Variants in ALDH1A1 observed in about 807,000 individuals in gnomAD.
The protein encoded by ALDH1A1 is aldehyde dehydrogenase 1A1.
A neutral mutation model predicts 62.1 loss-of-function variants in ALDH1A1; 19 were observed. The observed-to-expected ratio is 0.31, with a 90% CI of 0.21 to 0.45. ALDH1A1 has a LOEUF of 0.45. Ranked by LOEUF, ALDH1A1 falls within the 20% of genes least tolerant of loss-of-function variation. The pLI is 1.00. For missense variants in ALDH1A1, 521 were observed against 607.1 expected, an observed-to-expected ratio of 0.86 and a Z score of 1.49; for synonymous variants, 231 against 215.9, an observed-to-expected ratio of 1.07 and a Z score of -0.61.
At chr9:72,930,302 A>G (rs1013026988) in intron 3 of ALDH1A1, among the ~76,000 whole-genome samples, 5 of 152,006 alleles carry the variant, frequency 3.3e-5, no homozygotes, top group African/African-American at 1.2e-4. Context: ...AAACCACATT[A>G]ATAATTGGAT....
intron 1 of ALDH1A1, among the ~76,000 whole-genome samples, chr9:72,948,184 T>C (rs1242186853): frequency 6.6e-6 from 1 of 151,956 alleles, no homozygotes; most frequent in Non-Finnish European, 1.5e-5. Context: ...CAGGTTTAGC[T>C]TGTTCAGTCA....
chr9:72,923,467 C>T (rs966774400), intron 7 of ALDH1A1, among the ~76,000 whole-genome samples: 1 of 152,130 alleles, frequency 6.6e-6, no homozygotes, highest in Non-Finnish European at 1.5e-5. Flanking sequence ...AGTCTGCTCT[C>T]CCTCCTGCCC....
intron 3 of ALDH1A1, 25 bp from the exon 4 acceptor site, chr9:72,929,046 T>C (rs761557291): frequency 6.7e-7 from 1 of 1,500,078 alleles, no homozygotes; most frequent in African/African-American, 2.0e-5. Flanking sequence ...AAACACCAAA[T>C]CTAAAATTCC....
rs8187952 is a variant in ALDH1A1 at position 72,919,688 on chromosome 9, G to A, written c.748-866C>T. Among the ~76,000 whole-genome samples, 21 of 152,234 alleles carry A rather than the reference G, an allele frequency of 1.4e-4. 1 individual carries two copies. The East Asian group carries it at 4.0e-3, about 29-fold the overall frequency. ...TATGACAGAAGGCTCATTTAATTGC[G>A]GATTGACAGTCGTCTCTCTATCTCT... On this transcript the variant is annotated intron_variant, in intron 7 of 12. Transcript: ENST00000297785.
chr9:72,912,552 T>C (rs1268921743), intron 9 of ALDH1A1, among the ~76,000 whole-genome samples: 1 of 152,204 alleles, frequency 6.6e-6, no homozygotes, highest in Non-Finnish European at 1.5e-5. Flanking sequence ...GGGAAGCAGA[T>C]GCTTTAAGAC....
chr9:72,951,144 C>T (rs760616418), intron 1 of ALDH1A1, among the ~76,000 whole-genome samples: 13 of 151,894 alleles, frequency 8.6e-5, no homozygotes, highest in Middle Eastern at 3.2e-3. Flanking sequence ...CAGAGCAAAA[C>T]GCCTGCTCTT....
chr9:72,907,893 CAAG>C (rs1554739313), intron 11 of ALDH1A1, among the ~76,000 whole-genome samples: 5 of 152,144 alleles, frequency 3.3e-5, no homozygotes, highest in Non-Finnish European at 5.9e-5. Context: ...ACCGACTATT[CAAG>C]AAGAACTTGC....
chr9:72,907,191 CT>C (rs1019902796), intron 11 of ALDH1A1, among the ~76,000 whole-genome samples: 7 of 152,172 alleles, frequency 4.6e-5, no homozygotes, highest in Admixed American at 2.6e-4. Context: ...GGGATAATTC[CT>C]TTAATAAATT....
intron 10 of ALDH1A1, among the ~76,000 whole-genome samples, chr9:72,910,038 A>G (rs1829962650): frequency 6.6e-6 from 1 of 152,184 alleles, no homozygotes; most frequent in Non-Finnish European, 1.5e-5. Context: ...AGAACTTATG[A>G]TTGTGCAACA....
rs1398368827 is a variant in ALDH1A1, at chr9:72,945,729, T to C, written c.67-5477A>G. On this transcript the variant is annotated intron_variant, in intron 1 of 12. Transcript: ENST00000297785. ...GTTAAACATTTAAAAGAATCAAAGC[T>C]GGATCTCTGGCAACTGCTTTGCACC... Among the ~76,000 whole-genome samples, 4 of 151,864 alleles carry C rather than the reference T, an allele frequency of 2.6e-5. No homozygotes were observed. In the South Asian group the frequency reaches 8.3e-4, roughly 32 times the overall value.
intron 3 of ALDH1A1, among the ~76,000 whole-genome samples, chr9:72,930,102 G>T (rs908281370): frequency 3.3e-5 from 5 of 152,114 alleles, no homozygotes; most frequent in African/African-American, 1.2e-4. Context: ...GCCACTTTCA[G>T]ATTCTAAAGA....
chr9:72,904,572 T>C (rs1432638050), intron 12 of ALDH1A1, among the ~76,000 whole-genome samples: 2 of 152,138 alleles, frequency 1.3e-5, no homozygotes, highest in Admixed American at 1.3e-4. Flanking sequence ...GCCATTAAGT[T>C]TTCAACCACT....
intron 9 of ALDH1A1, among the ~76,000 whole-genome samples, chr9:72,912,413 C>A (rs755341461): frequency 2.6e-5 from 4 of 152,126 alleles, no homozygotes; most frequent in Non-Finnish European, 5.9e-5. Context: ...TGACAATCAT[C>A]ATTTATTCAC....
intron 12 of ALDH1A1, among the ~76,000 whole-genome samples, chr9:72,905,198 A>G (rs1829862906): frequency 6.6e-6 from 1 of 152,202 alleles, no homozygotes. Context: ...TTACATTAAT[A>G]CATGTAAAAA....
At chr9:72,919,191 A>G (rs1226706028) in intron 7 of ALDH1A1, among the ~76,000 whole-genome samples, 1 of 152,238 alleles carries the variant, frequency 6.6e-6, no homozygotes, top group Non-Finnish European at 1.5e-5. Context: ...GATAAGTGAT[A>G]TTGATGGCTA....
rs115249685 is a variant in ALDH1A1, at chr9:72,952,802, A to C, written c.66+133T>G. On this transcript the variant is annotated intron_variant, in intron 1 of 12. Coordinates refer to ENST00000297785, the MANE Select transcript of ALDH1A1 (RefSeq NM_000689.5). Reference sequence around the variant, plus strand: ...ATCAGGACACTAAACTGAGACCTGCATTTTGCATGCCTTTTATTTTTATAT... The same window carrying C: ...ATCAGGACACTAAACTGAGACCTGCCTTTTGCATGCCTTTTATTTTTATAT... The C allele has an allele frequency of 2.5e-3, 2,338 of 938,456 alleles. 52 individuals carry two copies. In the African/African-American group the frequency reaches 0.035, roughly 14 times the overall value. 58.1% of individuals were successfully genotyped at this position (938,456 alleles called of 1,614,324 possible). A position where few individuals can be genotyped will look rare whatever the true frequency, so the allele number is the denominator to read the frequency against.
chr9:72,911,940 C>A lies in ALDH1A1; in HGVS notation c.1200+18G>T, dbSNP rs1396955686. 5.6e-6 allele frequency: 9 copies of A among 1,613,402 alleles called. No individual in the cohort carries two copies. Among genetic ancestry groups the A allele is most frequent in the Non-Finnish European group, 7.6e-6 (9 of 1,179,640 alleles). On this transcript the variant is annotated intron_variant, in intron 10 of 12. Coordinates refer to ENST00000297785, the MANE Select transcript of ALDH1A1 (RefSeq NM_000689.5). ...AAACATGGCAACAAAAAGAACAGAA[C>A]AGAATGAAGCCATTTACCTCCTCTT...
In ALDH1A1 at chr9:72,917,373, C is replaced by T. The variant is rs1329574646; in HGVS notation, c.851-269G>A. Reference sequence around the variant, plus strand: ...ACATCACCAAGAATGTAGATTTGATCATGAGACCAAATCTCTTTGGAAATG... The same window carrying T: ...ACATCACCAAGAATGTAGATTTGATTATGAGACCAAATCTCTTTGGAAATG... On this transcript the variant is annotated intron_variant, in intron 8 of 12. Coordinates refer to ENST00000297785, the MANE Select transcript of ALDH1A1 (RefSeq NM_000689.5). Among the ~76,000 whole-genome samples the T allele has an allele frequency of 2.6e-5, 4 of 152,064 alleles. No homozygotes were observed. In the East Asian group the frequency reaches 7.7e-4, roughly 29 times the overall value.
chr9:72,948,433 C>T lies in ALDH1A1; in HGVS notation c.66+4502G>A, dbSNP rs143785375. Among the ~76,000 whole-genome samples the T allele has an allele frequency of 7.0e-4, 106 of 152,040 alleles. 1 individual carries two copies. Among genetic ancestry groups the T allele is most frequent in the Middle Eastern group, 3.4e-3 (1 of 294 alleles). Reference sequence around the variant, plus strand: ...GTACTTCAGTTTCATCTCATCCATTCTCTCCCTTATTCACTTTACTCCAGC... The same window carrying T: ...GTACTTCAGTTTCATCTCATCCATTTTCTCCCTTATTCACTTTACTCCAGC... On this transcript the variant is annotated intron_variant, in intron 1 of 12. Coordinates refer to ENST00000297785, the MANE Select transcript of ALDH1A1 (RefSeq NM_000689.5).
Sources: allele counts gnomAD v4.1 joint callset (sites outside exome capture counted in the v4.1 genomes callset), GRCh38; gene constraint gnomAD v4.1.1; transcripts MANE v1.5; gene names NCBI Gene and HGNC (gene_info 2026-07-23, HGNC 2026-07-21).